Variants in ACTR8 observed in about 807,000 individuals in gnomAD.
ACTR8 encodes actin related protein 8, also known as actin-related protein 8.
ACTR8 carries 70 observed loss-of-function variants against 84.3 expected under a neutral mutation model. The observed-to-expected ratio is 0.83, with a 90% confidence interval of 0.68 to 1.01. The LOEUF is 1.01. Ranked by LOEUF, ACTR8 falls within the 50% of genes least tolerant of loss-of-function variation. The pLI is 0.00. For synonymous variants in ACTR8, 268 were observed against 275.2 expected (o/e 0.97, Z 0.26); for missense variants, 672 against 775.4 (o/e 0.87, Z 1.58).
intron 3 of ACTR8, 112 bp downstream of exon 3, chr3:53,878,245 T>C: frequency 1.1e-6 from 1 of 878,250 alleles, no homozygotes; most frequent in South Asian, 1.5e-5. Context: ...GTTTTCTTCC[T>C]TTTTAAGGAA....
Position 53,878,393 on chromosome 3 carries a change from G to A in ACTR8, c.369C>T (p.Ser123=), listed in dbSNP as rs755318935. ...VDQAIWSKKM[S]NGTRRIPVSP... ...ACACAGGAATGCGTCTTGTACCATTGGACATCTTTTTAGACCATATTGCTT... is the reference window on the plus strand; with the variant it reads ...ACACAGGAATGCGTCTTGTACCATTAGACATCTTTTTAGACCATATTGCTT... The change falls in exon 3 of 13, where the codon TCC becomes TCT. Residue 123 remains serine, a synonymous_variant. Coordinates refer to ENST00000335754, the MANE Select transcript of ACTR8 (RefSeq NM_022899.5). 1.2e-6 allele frequency: 2 copies of A among 1,613,250 alleles called. No homozygotes were observed. Among genetic ancestry groups the A allele is most frequent in the South Asian group, 1.1e-5 (1 of 90,858 alleles).
At chr3:53,872,588 A>C (rs1207520167) in intron 9 of ACTR8, 64 bp from the exon 10 acceptor site, 1 of 1,490,084 alleles carries the variant, frequency 6.7e-7, no homozygotes, top group African/African-American at 1.4e-5. Flanking sequence ...CTGATCCACT[A>C]AATTCTGTTC....
At position 53,877,366 on chromosome 3, in the gene ACTR8, C is replaced by T; in HGVS notation, c.532G>A (p.Asp178Asn). ...ATAGGCCAGTGAATATTGTAACAGT[C>T]CAGTGGATTAACATACAAGGCCTAG... The part of the protein sequence containing the change: ...GEEALYVNPL[D>N]CYNIHWPIRR... Residue 178 changes from aspartate to asparagine, a missense_variant, in exon 5 of 13, where the codon GAC (aspartate) becomes AAC (asparagine). By Grantham distance (23) the Asp-to-Asn change is conservative (BLOSUM62 1). Coordinates refer to ENST00000335754, the MANE Select transcript of ACTR8 (RefSeq NM_022899.5). 6.2e-7 allele frequency: 1 copy of T among 1,609,804 alleles called. No individual in the cohort carries two copies. Among genetic ancestry groups the T allele is most frequent in the Non-Finnish European group, 8.5e-7 (1 of 1,178,746 alleles).
Position 53,870,235 on chromosome 3 carries a change from A to G in ACTR8, c.1568-90T>C. The G allele has an allele frequency of 6.9e-7, 1 of 1,444,470 alleles. No homozygotes were observed. The highest frequency in any genetic ancestry group is 9.4e-7 in the Non-Finnish European group (1 of 1,060,844). 89.5% of individuals were successfully genotyped at this position (1,444,470 alleles called of 1,614,324 possible). A position where few individuals can be genotyped will look rare whatever the true frequency, so the allele number is the denominator to read the frequency against. On this transcript the variant is annotated intron_variant, in intron 11 of 12. Coordinates refer to ENST00000335754, the MANE Select transcript of ACTR8 (RefSeq NM_022899.5). This position sits in a 1 kb window ranked among gnomAD's most constrained non-coding sequence, Gnocchi z 4.1. ...CAACACCTCTTGCTTGAGCAAGTGCAATAGCCTTCTCAAAGATTTCCCTCC... is the reference window on the plus strand; with the variant it reads ...CAACACCTCTTGCTTGAGCAAGTGCGATAGCCTTCTCAAAGATTTCCCTCC...
intron 1 of ACTR8, among the ~76,000 whole-genome samples, chr3:53,880,883 G>A (rs1195114516): frequency 6.6e-6 from 1 of 152,196 alleles, no homozygotes; most frequent in African/African-American, 2.4e-5. Context: ...TGACTGTCGG[G>A]GATGGAGGAG....
the ACTR8 span, chr3:53,860,394 C>A: frequency 8.6e-6 from 4 of 464,782 alleles, no homozygotes; most frequent in East Asian, 6.4e-5. Flanking sequence ...ACGAGCATGA[C>A]TGGATTACAC....
intron 12 of ACTR8, among the ~76,000 whole-genome samples, chr3:53,869,276 G>A (rs944989867): frequency 9.2e-5 from 14 of 152,200 alleles, no homozygotes; most frequent in South Asian, 4.1e-4. Flanking sequence ...GTGAGACTCC[G>A]TCTCAAAAAA....
Position 53,882,116 on chromosome 3 carries a change from C to G in ACTR8, c.-15G>C. On this transcript the variant is annotated 5_prime_UTR_variant, in exon 1 of 13. Transcript: ENST00000335754. ...GCCTGGGTCATTATGGCCGGAGACACCCACCAACCTCTCGCCTCAGCGCTG... is the reference window on the plus strand; with the variant it reads ...GCCTGGGTCATTATGGCCGGAGACAGCCACCAACCTCTCGCCTCAGCGCTG... 3 of 1,551,216 alleles carry G rather than the reference C, an allele frequency of 1.9e-6. No homozygotes were observed. The highest frequency in any genetic ancestry group is 2.6e-6 in the Non-Finnish European group (3 of 1,146,674).
chr3:53,869,518 G>C (rs769744702), intron 12 of ACTR8, among the ~76,000 whole-genome samples: 1 of 152,106 alleles, frequency 6.6e-6, no homozygotes, highest in Non-Finnish European at 1.5e-5. Context: ...AACATTTCCA[G>C]GAATTGTCAG....
rs1337794548 is a variant in ACTR8 at position 53,875,857 on chromosome 3, A to G, written c.911+91T>C. On this transcript the variant is annotated intron_variant, in intron 7 of 12. Transcript: ENST00000335754. ...AGACTTTTGAATTTATGGTTATCTTATAATTTTTAACCTGTGATTTCTTAT... is the reference window on the plus strand; with the variant it reads ...AGACTTTTGAATTTATGGTTATCTTGTAATTTTTAACCTGTGATTTCTTAT... 61 of 1,537,886 alleles carry G rather than the reference A, an allele frequency of 4.0e-5. 1 individual carries two copies. The Admixed American group carries it at 1.1e-3, about 27-fold the overall frequency.
Position 53,880,127 on chromosome 3 carries a change from A to G in ACTR8, c.124-18T>C. 1 of 1,606,270 alleles carries G rather than the reference A, an allele frequency of 6.2e-7. No individual in the cohort carries two copies. Among genetic ancestry groups the G allele is most frequent in the Non-Finnish European group, 8.5e-7 (1 of 1,173,584 alleles). On this transcript the variant is annotated intron_variant, in intron 1 of 12. Transcript: ENST00000335754. The stretch of plus-strand genomic sequence containing the variant: ...TGGATTTGCTGCAGATATAAAACAT[A>G]GATGTGTGACTTTGTAAATAATATG...
Position 53,877,238 on chromosome 3 carries a change from C to A in ACTR8, c.660G>T (p.Leu220Phe). 1 of 1,603,180 alleles carries A rather than the reference C, an allele frequency of 6.2e-7. No individual in the cohort carries two copies. Among genetic ancestry groups the A allele is most frequent in the Non-Finnish European group, 8.5e-7 (1 of 1,176,600 alleles). Residue 220 changes from leucine to phenylalanine, a missense_variant, in exon 5 of 13, where the codon TTG (leucine) becomes TTT (phenylalanine). Transcript: ENST00000335754. ...CCTTTAAATCTTTCAGTGGGATTTC[C>A]AAGTATTTTTGTATCGCATGAGACC... ...VIWSHAIQKY[L>F]EIPLKDLKYY...
At chr3:53,875,692 C>T (rs777459812) in intron 7 of ACTR8, among the ~76,000 whole-genome samples, 1 of 152,166 alleles carries the variant, frequency 6.6e-6, no homozygotes, top group African/African-American at 2.4e-5. Context: ...TATGGGAAAG[C>T]GCATAAAACA....
rs531308812 is a variant in ACTR8 at position 53,869,354 on chromosome 3, A to G, written c.1732-492T>C. 6.6e-5 allele frequency among the ~76,000 whole-genome samples: 10 copies of G among 152,388 alleles called. No homozygotes were observed. In the South Asian group the frequency reaches 1.9e-3, roughly 28 times the overall value. The stretch of plus-strand genomic sequence containing the variant: ...TAGCCAAGAAAACTTTTAAATTTTT[A>G]TAACTGAAGATGCTACTATTTACTA... On this transcript the variant is annotated intron_variant, in intron 12 of 12. Coordinates refer to ENST00000335754, the MANE Select transcript of ACTR8 (RefSeq NM_022899.5).
rs1468063518 is a variant in ACTR8, at chr3:53,868,864, T to C, written c.1732-2A>G. The C allele has an allele frequency of 9.3e-6, 15 of 1,613,556 alleles. No individual in the cohort carries two copies. The highest frequency in any genetic ancestry group is 1.3e-5 in the Non-Finnish European group (15 of 1,179,772). On this transcript the variant is annotated splice_acceptor_variant, in intron 12 of 12. Transcript: ENST00000335754. LOFTEE classifies it high-confidence loss of function. ...TGCAATCAGCCGGGGGTCCATGTCC[T>C]ACAGAAGGGATGAAGGCATTTCAGC...
At chr3:53,881,758 G>T in intron 1 of ACTR8, 1 of 671,352 alleles carries the variant, frequency 1.5e-6, no homozygotes, top group Non-Finnish European at 2.5e-6. Context: ...TCGGAGCGGT[G>T]TCCCTGCGGG....
At chr3:53,859,817 A>G in the ACTR8 span, 2 of 204,098 alleles carry the variant, frequency 9.8e-6, no homozygotes, top group South Asian at 2.3e-4. Context: ...CAGACTCTCT[A>G]AAGAGCTTCT....
Position 53,874,313 on chromosome 3 carries a change from T to C in ACTR8, c.963A>G (p.Leu321=), listed in dbSNP as rs1489786013. Residue 321 remains leucine (L), a synonymous_variant, in exon 8 of 13, where the codon CTA becomes CTG. Coordinates refer to ENST00000335754, the MANE Select transcript of ACTR8 (RefSeq NM_022899.5). ...GSDVSRCFYW[L]MQRAGFPYRE... ...TGTAAGGGAACCCAGCTCGCTGCAT[T>C]AGCCAGTAAAAACATCTTGACACAT... 7.4e-6 allele frequency: 12 copies of C among 1,614,216 alleles called. No individual in the cohort carries two copies. The highest frequency in any genetic ancestry group is 1.0e-5 in the Non-Finnish European group (12 of 1,180,030).
rs192074910 is a variant in ACTR8, at chr3:53,870,171, T to C, written c.1568-26A>G. ...CTGAAAAGACAGTTGACATCCTCCA[T>C]GCTTTTTTCTCCACATCCATAATTC... On this transcript the variant is annotated intron_variant, in intron 11 of 12. Coordinates refer to ENST00000335754, the MANE Select transcript of ACTR8 (RefSeq NM_022899.5). The surrounding 1 kb of genome is among the most constrained non-coding windows in gnomAD (Gnocchi z 4.1). 1.2e-6 allele frequency: 2 copies of C among 1,604,072 alleles called. No individual in the cohort carries two copies. The highest frequency in any genetic ancestry group is 1.7e-5 in the Admixed American group (1 of 59,634).
Sources: allele counts gnomAD v4.1 joint callset (sites outside exome capture counted in the v4.1 genomes callset), GRCh38; gene constraint gnomAD v4.1.1; non-coding constraint Gnocchi (gnomAD v3.1); transcripts MANE v1.5; gene names NCBI Gene and HGNC (gene_info 2026-07-23, HGNC 2026-07-21).